Variants in PDE4B observed in about 807,000 individuals in gnomAD.
The protein encoded by PDE4B is phosphodiesterase 4B, also known as 3',5'-cyclic-AMP phosphodiesterase 4B.
Under a neutral mutation model 82.2 loss-of-function variants are expected in PDE4B, and 20 were observed. The observed-to-expected ratio is 0.24, with a 90% CI of 0.17 to 0.35. PDE4B has a LOEUF of 0.35. Among genes scored for constraint, PDE4B ranks in the 10% least tolerant of loss-of-function variants. PDE4B has a pLI of 1.00. For synonymous variants in PDE4B, 320 were observed against 318.9 expected (o/e 1.00, Z -0.04); for missense variants, 655 against 907.2 (o/e 0.72, Z 3.57).
intron 3 of PDE4B, among the ~76,000 whole-genome samples, chr1:66,204,387 C>A (rs919587737): frequency 6.6e-6 from 1 of 152,228 alleles, no homozygotes; most frequent in Admixed American, 6.5e-5. Flanking sequence ...CAGACAGGGA[C>A]GTTTAAGTTT....
chr1:66,138,625 T>C (rs1455367439), intron 3 of PDE4B, among the ~76,000 whole-genome samples: 1 of 152,196 alleles, frequency 6.6e-6, no homozygotes, highest in Non-Finnish European at 1.5e-5. Flanking sequence ...ATGGACTAGA[T>C]TGTCTGACAG....
intron 3 of PDE4B, among the ~76,000 whole-genome samples, chr1:66,126,110 T>C (rs944030651): frequency 6.6e-6 from 1 of 152,194 alleles, no homozygotes; most frequent in African/African-American, 2.4e-5. Flanking sequence ...CCACCCAACA[T>C]TGTATTGTTA....
At chr1:66,274,266 G>A (rs1000852693) in intron 7 of PDE4B, among the ~76,000 whole-genome samples, 1 of 151,660 alleles carries the variant, frequency 6.6e-6, no homozygotes, top group Non-Finnish European at 1.5e-5. Context: ...GTTCAAGTGA[G>A]TCTCCTGCCT....
chr1:65,864,182 G>A (rs1311014952), intron 1 of PDE4B, among the ~76,000 whole-genome samples: 1 of 151,666 alleles, frequency 6.6e-6, no homozygotes, highest in East Asian at 1.9e-4. Flanking sequence ...GCTTCACGAA[G>A]TTCTTGTGCT....
intron 3 of PDE4B, among the ~76,000 whole-genome samples, chr1:66,139,747 A>AAAC (rs1474607260): frequency 2.0e-5 from 3 of 149,026 alleles, no homozygotes; most frequent in African/African-American, 7.5e-5. Context: ...AAAAAAAAAA[A>AAAC]AAAAACAAAA....
Position 66,336,649 on chromosome 1 carries a change from T to C in PDE4B, c.747+4029T>C, listed in dbSNP as rs916394576. Among the ~76,000 whole-genome samples, 5 of 81,310 alleles carry C rather than the reference T, an allele frequency of 6.1e-5. No individual in the cohort carries two copies. The East Asian group carries it at 3.9e-3, about 63-fold the overall frequency. 53.3% of individuals were successfully genotyped at this position (81,310 alleles called of 152,430 possible). ...GTTGAAGAGTGGCCCTGTGTATTAG[T>C]ACTTTTTTTTTAGAATGAAGCATTA... On this transcript the variant is annotated intron_variant, in intron 8 of 16. Transcript: ENST00000341517.
chr1:66,106,195 A>G (rs1429550964), intron 3 of PDE4B, among the ~76,000 whole-genome samples: 2 of 152,110 alleles, frequency 1.3e-5, no homozygotes, highest in Non-Finnish European at 2.9e-5. Flanking sequence ...CTATTGAGAT[A>G]ATCGTGGTTT....
At chr1:66,296,447 A>G (rs571165142) in intron 7 of PDE4B, among the ~76,000 whole-genome samples, 5 of 152,282 alleles carry the variant, frequency 3.3e-5, no homozygotes, top group African/African-American at 1.2e-4. Context: ...TGCCAATAGG[A>G]GATAATGTAG....
intron 3 of PDE4B, among the ~76,000 whole-genome samples, chr1:66,075,403 A>G (rs564308450): frequency 6.6e-6 from 1 of 152,090 alleles, no homozygotes; most frequent in Admixed American, 6.5e-5. Flanking sequence ...TGTTAAACTT[A>G]TTAAGGAAGT....
intron 3 of PDE4B, among the ~76,000 whole-genome samples, chr1:66,052,951 T>C (rs2100868309): frequency 6.6e-6 from 1 of 152,330 alleles, no homozygotes; most frequent in East Asian, 1.9e-4. Context: ...TCAATATTTC[T>C]TAGGCATTAG....
chr1:66,362,599 G>T (rs555375347), intron 10 of PDE4B, among the ~76,000 whole-genome samples: 1 of 152,256 alleles, frequency 6.6e-6, no homozygotes, highest in Admixed American at 6.5e-5. Context: ...CACAACACAG[G>T]CCTGAGTGAT....
At position 65,868,575 on chromosome 1, in the gene PDE4B, A is replaced by G. The variant is rs559497497; in HGVS notation, c.-70-44670A>G. 1.7e-3 allele frequency among the ~76,000 whole-genome samples: 257 copies of G among 152,322 alleles called. 1 individual carries two copies. The Middle Eastern group carries it at 0.041, about 24-fold the overall frequency. ...TTGAATAAATACTTATCAAGCACCA[A>G]CTATGTGAGAGGGACTCTGCTAGGC... On this transcript the variant is annotated intron_variant, in intron 1 of 16. Coordinates refer to ENST00000341517, the MANE Select transcript of PDE4B (RefSeq NM_002600.4).
At chr1:66,037,125 C>CA (rs71058446) in intron 3 of PDE4B, among the ~76,000 whole-genome samples, 25,389 of 86,428 alleles carry the variant, frequency 0.29, 3,104 homozygotes, top group Middle Eastern at 0.5. Context: ...GACTCTGCCT[C>CA]AAAAAAAAAA....
At chr1:66,049,113 G>C (rs778888019) in intron 3 of PDE4B, among the ~76,000 whole-genome samples, 1 of 151,916 alleles carries the variant, frequency 6.6e-6, no homozygotes, top group Non-Finnish European at 1.5e-5. Context: ...TGGAAATATC[G>C]TAAGTGTAGA....
At chr1:65,818,715 A>G (rs1645915973) in intron 1 of PDE4B, among the ~76,000 whole-genome samples, 1 of 143,454 alleles carries the variant, frequency 7.0e-6, no homozygotes, top group African/African-American at 2.6e-5. Context: ...AAATAACAAA[A>G]ATCTTCAAAT....
At chr1:65,873,452 G>A (rs1462461696) in intron 1 of PDE4B, among the ~76,000 whole-genome samples, 5 of 152,142 alleles carry the variant, frequency 3.3e-5, no homozygotes, top group African/African-American at 9.7e-5. Context: ...GACCAAGATG[G>A]TAGAGTGTGA....
chr1:66,209,892 T>C (rs919642899), intron 3 of PDE4B, among the ~76,000 whole-genome samples: 3 of 152,258 alleles, frequency 2.0e-5, no homozygotes, highest in African/African-American at 7.2e-5. Flanking sequence ...TATTCCATTA[T>C]ATCACACATC....
chr1:66,172,039 C>T (rs749103265), intron 3 of PDE4B, among the ~76,000 whole-genome samples: 19 of 152,196 alleles, frequency 1.2e-4, no homozygotes, highest in East Asian at 1.9e-4. Context: ...GTTTGGAGTA[C>T]GATTGATCCC....
intron 3 of PDE4B, among the ~76,000 whole-genome samples, chr1:66,221,479 A>G (rs72679146): frequency 0.011 from 1,691 of 152,320 alleles, 12 homozygotes; most frequent in Non-Finnish European, 0.016. Context: ...TTTTTATAAA[A>G]AATGTAAAAC....
Sources: gnomAD v4.1 joint callset for allele counts (sites outside exome capture counted in the v4.1 genomes callset) on GRCh38, gnomAD v4.1.1 for gene constraint, MANE v1.5 for transcripts, NCBI Gene and HGNC (gene_info 2026-07-23, HGNC 2026-07-21) for gene names.